The following SEM1 variants were observed in gnomAD, a reference collection of about 807,000 sequenced individuals.
SEM1 encodes SEM1 26S proteasome subunit.
A neutral mutation model predicts 12.7 loss-of-function variants in SEM1; 3 were observed. The observed-to-expected ratio is 0.24, with a 90% CI of 0.11 to 0.61. SEM1 has a LOEUF of 0.61. Among genes scored for constraint, SEM1 ranks in the 20% least tolerant of loss-of-function variants. The pLI is 0.88. For synonymous variants in SEM1, 30 were observed against 27.8 expected, an observed-to-expected ratio of 1.08 and a Z score of -0.25; for missense variants, 59 against 81.3, an observed-to-expected ratio of 0.73 and a Z score of 1.06.
At chr7:96,508,012 C>T (rs933057202) in intron 2 of SEM1, among the ~76,000 whole-genome samples, 5 of 151,946 alleles carry the variant, frequency 3.3e-5, no homozygotes, top group African/African-American at 9.7e-5. Flanking sequence ...CATATTTCTC[C>T]CCTTGCCTTA....
At chr7:96,630,898 T>C (rs960793588) in intron 2 of SEM1, among the ~76,000 whole-genome samples, 1 of 152,154 alleles carries the variant, frequency 6.6e-6, no homozygotes, top group African/African-American at 2.4e-5. Flanking sequence ...GTGGGTTCTC[T>C]TCTGGTCTCA....
At chr7:96,622,935 A>C (rs1398967626) in intron 2 of SEM1, 1 of 343,188 alleles carries the variant, frequency 2.9e-6, no homozygotes, top group East Asian at 4.7e-5. Flanking sequence ...TGTGATGGTT[A>C]ATTTTATTTC....
At chr7:96,489,077 T>C (rs1322906517) in intron 1 of SEM1, among the ~76,000 whole-genome samples, 1 of 152,144 alleles carries the variant, frequency 6.6e-6, no homozygotes, top group African/African-American at 2.4e-5. Context: ...CTTCAAAAAT[T>C]GCACTTGGCA....
At chr7:96,554,082 A>T (rs982919487) in intron 2 of SEM1, among the ~76,000 whole-genome samples, 89 of 151,636 alleles carry the variant, frequency 5.9e-4, no homozygotes, top group African/African-American at 2.0e-3. Flanking sequence ...TTATCAGCTT[A>T]AGGAGATTTT....
chr7:96,535,389 A>C (rs1341167601), intron 2 of SEM1, among the ~76,000 whole-genome samples: 2 of 151,916 alleles, frequency 1.3e-5, no homozygotes, highest in Non-Finnish European at 2.9e-5. Context: ...TAATGCTATA[A>C]AATGTCCTGT....
chr7:96,486,093 ATG>A (rs1436284255), intron 2 of SEM1: 4 of 715,126 alleles, frequency 5.6e-6, no homozygotes, highest in Non-Finnish European at 9.2e-6. Flanking sequence ...ACGGTTGAGT[ATG>A]TCACAATGTT....
chr7:96,683,846 C>A (rs1216195461), downstream of SEM1, among the ~76,000 whole-genome samples: 3 of 152,004 alleles, frequency 2.0e-5, no homozygotes, highest in Admixed American at 2.0e-4. Flanking sequence ...TACATGGACA[C>A]AGGGAGGAGA....
chr7:96,485,223 T>C (rs74780974), intron 2 of SEM1, among the ~76,000 whole-genome samples: 3,834 of 152,318 alleles, frequency 0.025, 150 homozygotes, highest in African/African-American at 0.088. Flanking sequence ...ACCAACTATA[T>C]TGGTTTCCTA....
At chr7:96,605,377 A>G (rs917259287) in intron 2 of SEM1, among the ~76,000 whole-genome samples, 1 of 152,212 alleles carries the variant, frequency 6.6e-6, no homozygotes, top group Non-Finnish European at 1.5e-5. Context: ...TAGGAAAATC[A>G]TATAAAAGCA....
At chr7:96,581,734 C>T (rs377454484) in intron 2 of SEM1, among the ~76,000 whole-genome samples, 22 of 152,060 alleles carry the variant, frequency 1.4e-4, no homozygotes, top group African/African-American at 4.1e-4. Context: ...TTTGAAGCAA[C>T]TGTGAATGGG....
chr7:96,552,339 C>G (rs75123818), intron 2 of SEM1, among the ~76,000 whole-genome samples: 6,725 of 152,212 alleles, frequency 0.044, 524 homozygotes, highest in African/African-American at 0.15. Context: ...TATCCCTCCC[C>G]CTCCCACCAC....
At chr7:96,548,959 C>T (rs73708344) in intron 2 of SEM1, among the ~76,000 whole-genome samples, 10,046 of 152,058 alleles carry the variant, frequency 0.066, 1,125 homozygotes, top group African/African-American at 0.23. Flanking sequence ...AGACAGGGAG[C>T]GCATGAGTTC....
chr7:96,688,204 A>G (rs879412443), downstream of SEM1: 3 of 152,156 alleles, frequency 2.0e-5, no homozygotes, highest in Admixed American at 2.0e-4. Flanking sequence ...ACTCTGTGAA[A>G]ACTCAGTTGT....
intron 2 of SEM1, among the ~76,000 whole-genome samples, chr7:96,639,000 G>C (rs1055644564): frequency 4.0e-5 from 6 of 151,886 alleles, no homozygotes; most frequent in Admixed American, 3.9e-4. Flanking sequence ...ATTTATTCTT[G>C]TGAAAATTGA....
At chr7:96,542,364 T>C (rs1056891432) in intron 2 of SEM1, among the ~76,000 whole-genome samples, 6 of 151,916 alleles carry the variant, frequency 3.9e-5, no homozygotes, top group African/African-American at 1.2e-4. Flanking sequence ...GTGGCTGTTG[T>C]AAATGGTATT....
chr7:96,677,936 CT>C (rs1443310683), intron 2 of SEM1, among the ~76,000 whole-genome samples: 1 of 152,186 alleles, frequency 6.6e-6, no homozygotes, highest in Non-Finnish European at 1.5e-5. Context: ...ATCTACTTAA[CT>C]TGCATTAACA....
intron 2 of SEM1, among the ~76,000 whole-genome samples, chr7:96,588,999 A>G (rs1183867375): frequency 6.6e-6 from 1 of 152,266 alleles, no homozygotes; most frequent in Non-Finnish European, 1.5e-5. Context: ...TTGTAACTAC[A>G]GTATTTTTCT....
At chr7:96,600,797 A>G (rs948328477) in intron 2 of SEM1, among the ~76,000 whole-genome samples, 1 of 152,136 alleles carries the variant, frequency 6.6e-6, no homozygotes, top group African/African-American at 2.4e-5. Flanking sequence ...TTCTTCCTGG[A>G]TGTCTCCCTC....
At chr7:96,708,957 T>C (rs1790557813) in intron 1 of SEM1, among the ~76,000 whole-genome samples, 1 of 151,866 alleles carries the variant, frequency 6.6e-6, no homozygotes, top group Non-Finnish European at 1.5e-5. Context: ...AAAAAAAATG[T>C]GTAAGGTTTA....
Sources: gnomAD v4.1 joint callset for allele counts (sites outside exome capture counted in the v4.1 genomes callset) on GRCh38, gnomAD v4.1.1 for gene constraint, MANE v1.5 for transcripts, NCBI Gene and HGNC (gene_info 2026-07-23, HGNC 2026-07-21) for gene names.